The following ITGB3 variants were observed in gnomAD, a reference collection of about 807,000 sequenced individuals.
ITGB3 encodes the protein integrin beta-3.
Under a neutral mutation model 85.8 loss-of-function variants are expected in ITGB3, and 48 were observed. That is an observed-to-expected ratio of 0.56 (90% CI 0.44 to 0.71). The LOEUF (loss-of-function observed/expected upper bound fraction) is 0.71. Among genes scored for constraint, ITGB3 ranks in the 30% least tolerant of loss-of-function variants. ITGB3 has a pLI of 0.00. For missense variants in ITGB3, 861 were observed against 1,019.1 expected (o/e 0.84, Z 2.11); for synonymous variants, 363 against 395.6 (o/e 0.92, Z 0.98).
At chr17:47,307,691 G>A in intron 14 of ITGB3, 54 bp downstream of exon 14, 1 of 1,552,976 alleles carries the variant, frequency 6.4e-7, no homozygotes, top group African/African-American at 1.4e-5. Context: ...ACTCTTAAGT[G>A]GAAGCAGCAG....
intron 6 of ITGB3, among the ~76,000 whole-genome samples, chr17:47,288,353 C>T (rs2065112157): frequency 6.6e-6 from 1 of 152,242 alleles, no homozygotes; most frequent in South Asian, 2.1e-4. Flanking sequence ...TTAGCTTATA[C>T]ATGAGAAAAC....
chr17:47,266,815 C>T (rs2065027349), intron 1 of ITGB3, among the ~76,000 whole-genome samples: 1 of 152,122 alleles, frequency 6.6e-6, no homozygotes, highest in African/African-American at 2.4e-5. Context: ...CTACTGGGCT[C>T]AAGCAATCCT....
intron 1 of ITGB3, among the ~76,000 whole-genome samples, chr17:47,256,479 C>CT (rs1394436142): frequency 1.3e-5 from 2 of 151,624 alleles, no homozygotes; most frequent in Non-Finnish European, 2.9e-5. Flanking sequence ...TAATACCCCC[C>CT]CCCCCAACCT....
At chr17:47,283,235 G>T in intron 2 of ITGB3, 119 bp from the exon 3 acceptor site, 1 of 959,372 alleles carries the variant, frequency 1.0e-6, no homozygotes, top group Non-Finnish European at 1.6e-6. Context: ...ACAACAATTT[G>T]TTTATGCTCC....
intron 2 of ITGB3, among the ~76,000 whole-genome samples, chr17:47,275,360 G>A (rs1241965899): frequency 1.3e-5 from 2 of 152,034 alleles, no homozygotes; most frequent in African/African-American, 4.8e-5. Flanking sequence ...TATGTTTGTG[G>A]CTGGGATGGA....
In ITGB3 at chr17:47,299,520, A is replaced by C; in HGVS notation, c.1903A>C (p.Thr635Pro). ...EKCPTCPDAC[T>P]FKKECVECKK... ...GTGCCCCACCTGCCCAGATGCCTGC[A>C]CCTTTAAGAAGTGAGTGTGGAGTCT... The change falls in exon 11 of 15, where the codon ACC becomes CCC. Residue 635 changes from threonine (T) to proline (P), a missense_variant. Physicochemically the swap from Thr to Pro is conservative, Grantham distance 38. Transcript: ENST00000559488. This position sits in a 1 kb window ranked among gnomAD's most constrained non-coding sequence, Gnocchi z 5.1. 1 of 1,614,088 alleles carries C rather than the reference A, an allele frequency of 6.2e-7. No homozygotes were observed. Among genetic ancestry groups the C allele is most frequent in the Non-Finnish European group, 8.5e-7 (1 of 1,179,952 alleles).
intron 2 of ITGB3, among the ~76,000 whole-genome samples, chr17:47,278,942 C>T (rs1166395524): frequency 6.6e-6 from 1 of 152,234 alleles, no homozygotes; most frequent in Admixed American, 6.5e-5. Flanking sequence ...TCCCTGGTGC[C>T]TAAAAGGTTG....
intron 2 of ITGB3, 104 bp from the exon 3 acceptor site, chr17:47,283,250 T>G: frequency 1.9e-6 from 2 of 1,055,736 alleles, no homozygotes; most frequent in Non-Finnish European, 2.9e-6. Context: ...TGCTCCAATG[T>G]ACGGGGTAAA....
chr17:47,253,934 G>C lies in ITGB3; in HGVS notation c.73G>C (p.Val25Leu). 7.0e-7 allele frequency: 1 copy of C among 1,419,076 alleles called. No individual in the cohort carries two copies. The highest frequency in any genetic ancestry group is 1.5e-5 in the African/African-American group (1 of 67,760). 87.9% of individuals were successfully genotyped at this position (1,419,076 alleles called of 1,614,324 possible). Reference protein sequence around the residue: ...LALGALAGVGVGGPNICTTRG... With the variant: ...LALGALAGVGLGGPNICTTRG... ...GCTGGGGGCGCTGGCGGGCGTTGGCGTAGGAGGTGAGTGAGGCTCCGGCTC... is the reference window on the plus strand; with the variant it reads ...GCTGGGGGCGCTGGCGGGCGTTGGCCTAGGAGGTGAGTGAGGCTCCGGCTC... The change falls in exon 1 of 15, where the codon GTA becomes CTA. Residue 25 changes from valine (V) to leucine (L), a missense_variant. Transcript: ENST00000559488.
At chr17:47,281,867 G>C (rs1338749836) in intron 2 of ITGB3, among the ~76,000 whole-genome samples, 1 of 152,216 alleles carries the variant, frequency 6.6e-6, no homozygotes, top group African/African-American at 2.4e-5. Flanking sequence ...ACATCCCTGT[G>C]AGGGAGGTAC....
At chr17:47,289,628 C>A in intron 6 of ITGB3, 53 bp from the exon 7 acceptor site, 1 of 1,267,106 alleles carries the variant, frequency 7.9e-7, no homozygotes, top group Non-Finnish European at 1.2e-6. Context: ...AAGCTTTAGA[C>A]CCTAGAGATG....
At chr17:47,301,782 C>T (rs1457942347) in intron 12 of ITGB3, among the ~76,000 whole-genome samples, 3 of 152,092 alleles carry the variant, frequency 2.0e-5, no homozygotes, top group Non-Finnish European at 4.4e-5. Flanking sequence ...TGAAGTAGAA[C>T]TACAGTACTA....
At chr17:47,296,528 T>C (rs2065146619) in intron 10 of ITGB3, among the ~76,000 whole-genome samples, 1 of 152,222 alleles carries the variant, frequency 6.6e-6, no homozygotes, top group Non-Finnish European at 1.5e-5. Context: ...GCCACCATGC[T>C]TGGCCTTTGA....
chr17:47,293,303 A>G (rs2065134329), intron 10 of ITGB3, among the ~76,000 whole-genome samples: 1 of 152,136 alleles, frequency 6.6e-6, no homozygotes. Flanking sequence ...TGATAATCTC[A>G]AACTAGTTTC....
chr17:47,283,912 C>T (rs935214757), intron 3 of ITGB3, among the ~76,000 whole-genome samples: 2 of 152,124 alleles, frequency 1.3e-5, no homozygotes, highest in Non-Finnish European at 1.5e-5. Flanking sequence ...AACAAGAAAG[C>T]GACTTGTAAG....
At chr17:47,284,402 T>C in intron 3 of ITGB3, 41 bp from the exon 4 acceptor site, 1 of 1,613,374 alleles carries the variant, frequency 6.2e-7, no homozygotes, top group Non-Finnish European at 8.5e-7. Flanking sequence ...TCAATCTTGG[T>C]GGGAGAAGAA....
Position 47,284,598 on chromosome 17 carries a change from A to G in ITGB3, c.517A>G (p.Ser173Gly), listed in dbSNP as rs2143092830. The change falls in exon 4 of 15, where the codon AGT (serine) becomes GGT (glycine). Residue 173 changes from serine (S) to glycine (G), a missense_variant. Ser to Gly is a moderately conservative substitution (Grantham distance 56). Transcript: ENST00000559488. The part of the protein sequence containing the change: ...KLATQMRKLT[S>G]NLRIGFGAFV... ...GGCCACCCAGATGCGAAAGCTCACC[A>G]GTAACCTGCGGATTGGCTTCGGGGC... 1.9e-6 allele frequency: 3 copies of G among 1,614,152 alleles called. No individual in the cohort carries two copies. The highest frequency in any genetic ancestry group is 2.5e-6 in the Non-Finnish European group (3 of 1,180,020).
intron 10 of ITGB3, among the ~76,000 whole-genome samples, chr17:47,296,415 G>A: frequency 6.6e-6 from 1 of 151,950 alleles, no homozygotes; most frequent in Non-Finnish European, 1.5e-5. Flanking sequence ...TTAAAAATTT[G>A]TAGAGACGGG....
chr17:47,281,169 A>G (rs1038125941), intron 2 of ITGB3, among the ~76,000 whole-genome samples: 1 of 152,180 alleles, frequency 6.6e-6, no homozygotes, highest in African/African-American at 2.4e-5. Flanking sequence ...ACATACAGTA[A>G]GTGTTCAATA....
Sources: allele counts gnomAD v4.1 joint callset (sites outside exome capture counted in the v4.1 genomes callset), GRCh38; gene constraint gnomAD v4.1.1; non-coding constraint Gnocchi (gnomAD v3.1); transcripts MANE v1.5; gene names NCBI Gene and HGNC (gene_info 2026-07-23, HGNC 2026-07-21).